Variants in NALCN observed in about 807,000 individuals in gnomAD.
The protein encoded by NALCN is sodium leak channel, non-selective, also known as sodium leak channel NALCN.
Under a neutral mutation model 225.3 loss-of-function variants are expected in NALCN, and 111 were observed. The ratio of observed to expected loss-of-function variants is 0.49; its 90% CI spans 0.42 to 0.58. The LOEUF (loss-of-function observed/expected upper bound fraction) is 0.58. Ranked by LOEUF, NALCN falls within the 20% of genes least tolerant of loss-of-function variation. The probability of loss-of-function intolerance (pLI) is 0.00; values close to 1 mark genes in which losing one functional copy is unlikely to be tolerated. For missense variants in NALCN, 1,378 were observed against 2,202.4 expected, an observed-to-expected ratio of 0.63 and a Z score of 7.49; for synonymous variants, 764 against 769.0, an observed-to-expected ratio of 0.99 and a Z score of 0.11.
At chr13:101,324,276 C>T (rs112536143) in intron 7 of NALCN, among the ~76,000 whole-genome samples, 17 of 151,964 alleles carry the variant, frequency 1.1e-4, no homozygotes, top group East Asian at 1.9e-4. Context: ...TTAACACTGA[C>T]GAAAGCAAAA....
chr13:101,105,073 T>C, intron 22 of NALCN, 123 bp from the exon 23 acceptor site: 1 of 741,640 alleles, frequency 1.3e-6, no homozygotes, highest in African/African-American at 1.8e-5. Context: ...ACAATGTCCA[T>C]TATAAAATAT....
intron 6 of NALCN, among the ~76,000 whole-genome samples, chr13:101,350,479 G>T (rs1217703800): frequency 5.9e-5 from 9 of 151,702 alleles, no homozygotes; most frequent in Admixed American, 5.9e-4. Context: ...ACTTCTCAAG[G>T]TACCCTCACT....
chr13:101,355,571 G>A (rs1230558601), intron 6 of NALCN, among the ~76,000 whole-genome samples: 8 of 152,124 alleles, frequency 5.3e-5, no homozygotes, highest in African/African-American at 1.4e-4. Flanking sequence ...GATCCACAAA[G>A]AGACTTAGAC....
chr13:101,068,802 T>C lies in NALCN; in HGVS notation c.4223A>G (p.Asp1408Gly), dbSNP rs754653718. The C allele has an allele frequency of 6.2e-7, 1 of 1,611,412 alleles. No individual in the cohort carries two copies. Among genetic ancestry groups the C allele is most frequent in the African/African-American group, 1.3e-5 (1 of 74,964 alleles). Residue 1408 changes from aspartate to glycine, a missense_variant, in exon 38 of 44, where the codon GAT becomes GGT. Transcript: ENST00000251127. ...GTCTGTTGCCCAGTATGTAAATTCA[T>C]CTGGAGTACAAAACGGAGGCTGAAC... ...CMVQPPFCTP[D>G]EFTYWATDCG...
intron 6 of NALCN, among the ~76,000 whole-genome samples, chr13:101,350,225 G>A (rs2045869287): frequency 6.6e-6 from 1 of 152,096 alleles, no homozygotes; most frequent in Non-Finnish European, 1.5e-5. Flanking sequence ...GATACTGAAG[G>A]ATCTGGCTCC....
At chr13:101,172,635 C>T (rs1445930873) in intron 15 of NALCN, among the ~76,000 whole-genome samples, 1 of 152,204 alleles carries the variant, frequency 6.6e-6, no homozygotes, top group Non-Finnish European at 1.5e-5. Context: ...TCTTGGCTCA[C>T]TGCAAGCTCC....
chr13:101,240,035 T>C (rs1339675621), intron 11 of NALCN, among the ~76,000 whole-genome samples: 1 of 152,080 alleles, frequency 6.6e-6, no homozygotes, highest in African/African-American at 2.4e-5. Flanking sequence ...TTATGCGTTT[T>C]GGGAGTTGTT....
At chr13:101,384,822 T>C (rs2046942924) in intron 3 of NALCN, among the ~76,000 whole-genome samples, 2 of 151,984 alleles carry the variant, frequency 1.3e-5, no homozygotes, top group African/African-American at 4.8e-5. Flanking sequence ...TGTTGAGGAG[T>C]GGGAATTGAT....
chr13:101,366,641 A>G (rs1255003933), intron 6 of NALCN, among the ~76,000 whole-genome samples: 2 of 152,184 alleles, frequency 1.3e-5, no homozygotes, highest in Non-Finnish European at 2.9e-5. Flanking sequence ...TTTAAATAAT[A>G]GTATTTCAAT....
intron 7 of NALCN, among the ~76,000 whole-genome samples, chr13:101,303,518 T>G (rs1390231718): frequency 6.6e-6 from 1 of 152,160 alleles, no homozygotes; most frequent in Non-Finnish European, 1.5e-5. Context: ...TATTTGCCTG[T>G]TTTCTTTTCT....
chr13:101,235,439 C>T (rs2041517745), intron 12 of NALCN, among the ~76,000 whole-genome samples: 2 of 152,092 alleles, frequency 1.3e-5, no homozygotes, highest in African/African-American at 4.8e-5. Context: ...AAAAGGTATG[C>T]TGTTGTTTTG....
intron 13 of NALCN, among the ~76,000 whole-genome samples, chr13:101,194,501 G>T (rs1321529770): frequency 6.6e-6 from 1 of 152,136 alleles, no homozygotes; most frequent in Non-Finnish European, 1.5e-5. Flanking sequence ...AAATTCAAAT[G>T]GTAGTGTGCT....
Position 101,055,189 on chromosome 13 carries a change from A to C in NALCN, c.*106T>G. 1 of 869,692 alleles carries C rather than the reference A, an allele frequency of 1.1e-6. No homozygotes were observed. The highest frequency in any genetic ancestry group is 1.8e-6 in the Non-Finnish European group (1 of 566,194). 53.9% of individuals were successfully genotyped at this position (869,692 alleles called of 1,614,324 possible). A position where few individuals can be genotyped will look rare whatever the true frequency, so the allele number is the denominator to read the frequency against. Reference sequence around the variant, plus strand: ...ATCAATTTATAAACATCTTGTGACAAGCTGGAATTCAGTTATAGATCAATT... The same window carrying C: ...ATCAATTTATAAACATCTTGTGACACGCTGGAATTCAGTTATAGATCAATT... On this transcript the variant is annotated 3_prime_UTR_variant, in exon 44 of 44. Transcript: ENST00000251127.
At chr13:101,279,660 CA>C (rs138553952) in intron 10 of NALCN, among the ~76,000 whole-genome samples, 32,355 of 144,410 alleles carry the variant, frequency 0.22, 4,172 homozygotes, top group Non-Finnish European at 0.29. Flanking sequence ...ACTAAAAATA[CA>C]AAAAAATTAG....
At chr13:101,256,070 C>T (rs977212919) in intron 11 of NALCN, among the ~76,000 whole-genome samples, 4 of 152,140 alleles carry the variant, frequency 2.6e-5, no homozygotes, top group South Asian at 2.1e-4. Flanking sequence ...ACTCAGCCAG[C>T]GCCTTAGCTT....
At chr13:101,152,434 C>T (rs1200038849) in intron 15 of NALCN, among the ~76,000 whole-genome samples, 1 of 152,120 alleles carries the variant, frequency 6.6e-6, no homozygotes, top group Non-Finnish European at 1.5e-5. Context: ...CTTATGATAT[C>T]CCTGAAGTGT....
intron 27 of NALCN, among the ~76,000 whole-genome samples, chr13:101,096,413 C>T (rs1001554517): frequency 2.6e-5 from 4 of 152,234 alleles, no homozygotes; most frequent in Admixed American, 6.5e-5. Context: ...AGTCCTGATA[C>T]GTGCTACAAC....
chr13:101,068,131 C>T, intron 38 of NALCN, 98 bp from the exon 39 acceptor site: 1 of 782,058 alleles, frequency 1.3e-6, no homozygotes, highest in Non-Finnish European at 2.0e-6. Context: ...GATTCTATCA[C>T]CTATATCATA....
chr13:101,248,465 G>T (rs1024809945), intron 11 of NALCN, among the ~76,000 whole-genome samples: 2 of 152,120 alleles, frequency 1.3e-5, no homozygotes, highest in Non-Finnish European at 1.5e-5. Flanking sequence ...AGGTATCTTT[G>T]TTATTTATGG....
Sources: gnomAD v4.1 joint callset for allele counts (sites outside exome capture counted in the v4.1 genomes callset) on GRCh38, gnomAD v4.1.1 for gene constraint, MANE v1.5 for transcripts, NCBI Gene and HGNC (gene_info 2026-07-23, HGNC 2026-07-21) for gene names.